The following SNX8 variants were observed in gnomAD, a reference collection of about 807,000 sequenced individuals.
SNX8 encodes the protein sorting nexin 8, also known as sorting nexin-8.
Under a neutral mutation model 51.6 loss-of-function variants are expected in SNX8, and 25 were observed. The ratio of observed to expected loss-of-function variants is 0.48; its 90% CI spans 0.35 to 0.68. The LOEUF (loss-of-function observed/expected upper bound fraction) is 0.68. Ranked by LOEUF, SNX8 falls within the 30% of genes least tolerant of loss-of-function variation. The pLI is 0.00. For missense variants in SNX8, 695 were observed against 624.0 expected (o/e 1.11, Z -1.21); for synonymous variants, 324 against 277.0 (o/e 1.17, Z -1.68).
At chr7:2,280,903 C>T (rs1169668504) in intron 1 of SNX8, among the ~76,000 whole-genome samples, 1 of 151,250 alleles carries the variant, frequency 6.6e-6, no homozygotes. Context: ...AGCAATTCTG[C>T]TGCCTCAGCC....
At chr7:2,351,633 C>G (rs568845550) in intron 1 of SNX8, among the ~76,000 whole-genome samples, 27 of 151,934 alleles carry the variant, frequency 1.8e-4, no homozygotes, top group African/African-American at 3.4e-4. Context: ...GAGAGTGAGA[C>G]CATCCTGACT....
intron 1 of SNX8, chr7:2,287,924 G>T (rs577624118): frequency 6.6e-6 from 1 of 152,082 alleles, no homozygotes; most frequent in Non-Finnish European, 1.5e-5. Flanking sequence ...ATGCTTCATG[G>T]TGTTCTGGGA....
In SNX8 at chr7:2,253,873, C is replaced by T. The variant is rs562243267; in HGVS notation, c.*1183G>A. ...GAGCATCTGCGGAGCGGAGGGACCT[C>T]GGAAACCCTGGAGCCCGGCGGGCCT... On this transcript the variant is annotated 3_prime_UTR_variant, in exon 11 of 11. Coordinates refer to ENST00000222990, the MANE Select transcript of SNX8 (RefSeq NM_013321.4). 6.6e-6 allele frequency: 1 copy of T among 152,296 alleles called. No individual in the cohort carries two copies. Among genetic ancestry groups the T allele is most frequent in the African/African-American group, 2.4e-5 (1 of 41,444 alleles). The allele number at this position is 152,296 out of a possible 1,614,324, so 9.4% of individuals were successfully genotyped here.
Position 2,254,961 on chromosome 7 carries a change from AG to A in SNX8, c.*94del. 1.2e-6 allele frequency: 1 copy of A among 848,176 alleles called. No individual in the cohort carries two copies. The highest frequency in any genetic ancestry group is 1.9e-6 in the Non-Finnish European group (1 of 520,294). 52.5% of individuals were successfully genotyped at this position (848,176 alleles called of 1,614,324 possible). ...AGCTGCAGCACGGGGCGTGGCGGGG[AG>A]GGGAGCTGCCGTCCAAAGGGAATTA... is the stretch of plus-strand genomic sequence containing the variant. On this transcript the variant is annotated 3_prime_UTR_variant, in exon 11 of 11. Transcript: ENST00000222990.
In SNX8 at chr7:2,256,930, G is replaced by A. The variant is rs1284598133; in HGVS notation, c.1228C>T (p.Leu410Phe). ...ETQLIHVYLP[L>F]TSHILRAFVN... Reference sequence around the variant, plus strand: ...AAGGCGCGGAGGATGTGGGAGGTGAGGGGCAGGTAGACGTGGATGAGCTGC... The same window carrying A: ...AAGGCGCGGAGGATGTGGGAGGTGAAGGGCAGGTAGACGTGGATGAGCTGC... Residue 410 changes from leucine to phenylalanine, a missense_variant, in exon 10 of 11, where the codon CTC becomes TTC. Transcript: ENST00000222990. 5 of 1,613,608 alleles carry A rather than the reference G, an allele frequency of 3.1e-6. No individual in the cohort carries two copies. Among genetic ancestry groups the A allele is most frequent in the Non-Finnish European group, 3.4e-6 (4 of 1,179,888 alleles).
chr7:2,312,639 G>A (rs1405779706), intron 1 of SNX8, among the ~76,000 whole-genome samples: 4 of 151,864 alleles, frequency 2.6e-5, no homozygotes, highest in South Asian at 4.2e-4. Context: ...CCTGCTCCCC[G>A]CTGCCGTTTC....
rs781596093 is a variant in SNX8 at position 2,278,092 on chromosome 7, C to T, written c.300+8G>A. 1.9e-6 allele frequency: 3 copies of T among 1,611,518 alleles called. No homozygotes were observed. Among genetic ancestry groups the T allele is most frequent in the Non-Finnish European group, 2.5e-6 (3 of 1,178,288 alleles). ...CCTGCCCCGACACACACACAATTTG[C>T]CAGTTACCTGGCTGGAAACCTCATA... On this transcript the variant is annotated splice_region_variant and intron_variant, in intron 2 of 10. Transcript: ENST00000222990.
intron 1 of SNX8, among the ~76,000 whole-genome samples, chr7:2,286,588 G>C (rs1203267396): frequency 1.3e-5 from 2 of 150,730 alleles, no homozygotes; most frequent in Non-Finnish European, 3.0e-5. Context: ...CACGATCTCG[G>C]CTCACTGCAA....
intron 1 of SNX8, chr7:2,309,913 G>A: frequency 2.1e-6 from 1 of 469,646 alleles, no homozygotes; most frequent in African/African-American, 2.0e-5. Context: ...AGCCCCGAGG[G>A]TCAGCAAAGG....
At chr7:2,318,684 A>G (rs1796791580), upstream of SNX8, among the ~76,000 whole-genome samples, 1 of 151,508 alleles carries the variant, frequency 6.6e-6, no homozygotes, top group African/African-American at 2.4e-5. Context: ...GAAAACAGGG[A>G]GACTTTGTCT....
chr7:2,322,633 G>A (rs781168787), intron 1 of SNX8, among the ~76,000 whole-genome samples: 1 of 151,928 alleles, frequency 6.6e-6, no homozygotes, highest in Non-Finnish European at 1.5e-5. Context: ...GGTGGATGTT[G>A]CAGTGAGCCA....
chr7:2,263,682 C>T (rs1795392685), intron 6 of SNX8, among the ~76,000 whole-genome samples: 1 of 152,118 alleles, frequency 6.6e-6, no homozygotes, highest in Non-Finnish European at 1.5e-5. Flanking sequence ...GGAAGCGCTG[C>T]CAGCCCATGG....
Position 2,353,133 on chromosome 7 carries a change from A to G in SNX8, c.-66+1089T>C, listed in dbSNP as rs530306173. ...ACACAGTGAGATGCTATCTACAAAT[A>G]AAGAAATTAGCTGGGCACGGTGGCA... On this transcript the variant is annotated intron_variant, in intron 1 of 5. Coordinates refer to the SNX8 transcript ENST00000435336. 2.0e-5 allele frequency among the ~76,000 whole-genome samples: 3 copies of G among 152,290 alleles called. No individual in the cohort carries two copies. In the South Asian group the frequency reaches 6.2e-4, roughly 32 times the overall value.
At chr7:2,351,282 G>T (rs1779133958) in intron 1 of SNX8, among the ~76,000 whole-genome samples, 1 of 152,156 alleles carries the variant, frequency 6.6e-6, no homozygotes, top group Non-Finnish European at 1.5e-5. Flanking sequence ...CGGAGGCCAG[G>T]CCTGCTGGCT....
At chr7:2,348,304 T>C (rs1175290828) in intron 1 of SNX8, among the ~76,000 whole-genome samples, 3 of 150,992 alleles carry the variant, frequency 2.0e-5, no homozygotes, top group African/African-American at 4.8e-5. Flanking sequence ...GCAGAGGCTC[T>C]GGCGAGTACA....
chr7:2,271,266 G>A (rs1051773246), intron 4 of SNX8, among the ~76,000 whole-genome samples: 4 of 152,220 alleles, frequency 2.6e-5, no homozygotes, highest in African/African-American at 7.2e-5. Context: ...GGTCTCAAAC[G>A]CCTGGGCTTA....
At chr7:2,348,790 TA>T (rs1240997128) in intron 1 of SNX8, among the ~76,000 whole-genome samples, 70 of 143,430 alleles carry the variant, frequency 4.9e-4, no homozygotes, top group Admixed American at 6.3e-4. Context: ...CACTAAAAAT[TA>T]AAAAAAAAAA....
chr7:2,293,580 T>C (rs1657902819), intron 1 of SNX8, among the ~76,000 whole-genome samples: 1 of 149,490 alleles, frequency 6.7e-6, no homozygotes, highest in South Asian at 2.1e-4. Flanking sequence ...GAGAATCGCT[T>C]GAACCCAGGA....
intron 1 of SNX8, 60 bp downstream of exon 1, chr7:2,314,268 C>CG: frequency 8.2e-7 from 1 of 1,212,950 alleles, no homozygotes; most frequent in Non-Finnish European, 1.0e-6. Flanking sequence ...CCCCGTCCGC[C>CG]GGGGGTGGTC....
Sources: gnomAD v4.1 joint callset for allele counts (sites outside exome capture counted in the v4.1 genomes callset) on GRCh38, gnomAD v4.1.1 for gene constraint, MANE v1.5 for transcripts, NCBI Gene and HGNC (gene_info 2026-07-23, HGNC 2026-07-21) for gene names.